FOXO1: variants seen among roughly 807,000 people sequenced by gnomAD.
FOXO1 encodes forkhead box O1.
A neutral mutation model predicts 44.1 loss-of-function variants in FOXO1; 6 were observed. The observed-to-expected ratio is 0.14, with a 90% CI of 0.07 to 0.27. The LOEUF (loss-of-function observed/expected upper bound fraction) is 0.27, where lower values mean the gene tolerates loss of function less well. FOXO1 is among the 10% of genes least tolerant of loss of function. The probability of loss-of-function intolerance (pLI) is 1.00; values close to 1 mark genes in which losing one functional copy is unlikely to be tolerated. For missense variants in FOXO1, 737 were observed against 888.8 expected (o/e 0.83, Z 2.17); for synonymous variants, 380 against 362.7 (o/e 1.05, Z -0.54).
intron 1 of FOXO1, among the ~76,000 whole-genome samples, chr13:40,636,765 G>T (rs1877171805): frequency 6.6e-6 from 1 of 151,048 alleles, no homozygotes; most frequent in African/African-American, 2.4e-5. Context: ...AAAGTGCTGG[G>T]ATTACAGGCG....
intron 1 of FOXO1, among the ~76,000 whole-genome samples, chr13:40,632,712 G>A (rs1039025064): frequency 1.3e-5 from 2 of 152,092 alleles, no homozygotes; most frequent in Non-Finnish European, 2.9e-5. Flanking sequence ...GGAGGCTGAG[G>A]CAGGCAGACT....
intron 1 of FOXO1, among the ~76,000 whole-genome samples, chr13:40,593,735 T>C (rs185606222): frequency 4.2e-4 from 64 of 152,356 alleles, no homozygotes; most frequent in Non-Finnish European, 7.2e-4. Flanking sequence ...TGGCTTGCAG[T>C]AAATCTACCC....
At position 40,560,444 on chromosome 13, in the gene FOXO1, C is replaced by A. The variant is rs61753353; in HGVS notation, c.1047G>T (p.Pro349=). Residue 349 remains proline, a synonymous_variant, in exon 2 of 3, where the codon CCG becomes CCT. Transcript: ENST00000379561. The surrounding 1 kb of genome is among the most constrained non-coding windows in gnomAD (Gnocchi z 5.1). Reference sequence around the variant, plus strand: ...TAGAGGCCATCTTTGCGGCAGATGGCGGGTACACCATAGAATGCACATCCC... The same window carrying A: ...TAGAGGCCATCTTTGCGGCAGATGGAGGGTACACCATAGAATGCACATCCC... The part of the protein sequence containing the change: ...GEGDVHSMVY[P]PSAAKMASTL... 3.1e-6 allele frequency: 5 copies of A among 1,614,068 alleles called. No individual in the cohort carries two copies. Among genetic ancestry groups the A allele is most frequent in the Non-Finnish European group, 4.2e-6 (5 of 1,179,994 alleles).
chr13:40,623,845 T>C (rs1159980120), intron 1 of FOXO1, among the ~76,000 whole-genome samples: 1 of 150,594 alleles, frequency 6.6e-6, no homozygotes, highest in Admixed American at 6.6e-5. Flanking sequence ...CTCACGCCTG[T>C]AATCCCAACA....
At chr13:40,642,213 T>C (rs1243674207) in intron 1 of FOXO1, among the ~76,000 whole-genome samples, 103 of 152,206 alleles carry the variant, frequency 6.8e-4, no homozygotes, top group Non-Finnish European at 1.2e-4. Context: ...CTAGTGTAAC[T>C]TCACTGCTTT....
chr13:40,566,805 T>C (rs1874286870), intron 1 of FOXO1, among the ~76,000 whole-genome samples: 1 of 152,242 alleles, frequency 6.6e-6, no homozygotes, highest in South Asian at 2.1e-4. Flanking sequence ...ATTTTTTTAA[T>C]AAAAACCATT....
chr13:40,656,289 A>G (rs1311808244), intron 1 of FOXO1, among the ~76,000 whole-genome samples: 1 of 152,256 alleles, frequency 6.6e-6, no homozygotes, highest in Non-Finnish European at 1.5e-5. Flanking sequence ...ACTGACATTT[A>G]CATTTTGAAG....
chr13:40,606,565 G>A (rs1053209214), intron 1 of FOXO1, among the ~76,000 whole-genome samples: 3 of 152,176 alleles, frequency 2.0e-5, no homozygotes, highest in African/African-American at 4.8e-5. Context: ...CGCCCGCCTC[G>A]GCCTCCCAAA....
At chr13:40,633,467 C>A (rs1215823900) in intron 1 of FOXO1, among the ~76,000 whole-genome samples, 1 of 152,152 alleles carries the variant, frequency 6.6e-6, no homozygotes, top group East Asian at 1.9e-4. Context: ...ATACATGCTA[C>A]CACGGGAATA....
At chr13:40,590,240 G>C (rs1875317590) in intron 1 of FOXO1, among the ~76,000 whole-genome samples, 1 of 152,144 alleles carries the variant, frequency 6.6e-6, no homozygotes, top group Non-Finnish European at 1.5e-5. Context: ...CCAAGAACAA[G>C]GAATTGGATT....
chr13:40,579,019 T>C (rs1374267052), intron 1 of FOXO1, among the ~76,000 whole-genome samples: 1 of 152,214 alleles, frequency 6.6e-6, no homozygotes, highest in Non-Finnish European at 1.5e-5. Flanking sequence ...GGCTCTATCT[T>C]TCTGACTGGA....
At chr13:40,619,817 A>T in intron 1 of FOXO1, 1 of 771,054 alleles carries the variant, frequency 1.3e-6, no homozygotes. Context: ...TTCAGTAGTC[A>T]CACAAACCAG....
intron 1 of FOXO1, among the ~76,000 whole-genome samples, chr13:40,639,534 A>C (rs545013404): frequency 6.6e-6 from 1 of 152,378 alleles, no homozygotes; most frequent in South Asian, 2.1e-4. Context: ...GAAAAAAATA[A>C]ACTAATTTTG....
chr13:40,558,440 A>C lies in FOXO1; in HGVS notation c.*609T>G, dbSNP rs1873843562. The C allele has an allele frequency of 6.2e-6, 1 of 161,798 alleles. No homozygotes were observed. The highest frequency in any genetic ancestry group is 2.0e-4 in the South Asian group (1 of 4,914). 10.0% of individuals were successfully genotyped at this position (161,798 alleles called of 1,614,324 possible). A position where few individuals can be genotyped will look rare whatever the true frequency, so the allele number is the denominator to read the frequency against. On this transcript the variant is annotated 3_prime_UTR_variant, in exon 3 of 3. Transcript: ENST00000379561. Reference sequence around the variant, plus strand: ...TTTCCAAAAGTTTAACAAGTCCATTAATTTAGCAGATTGATAACAGGCTAC... The same window carrying C: ...TTTCCAAAAGTTTAACAAGTCCATTCATTTAGCAGATTGATAACAGGCTAC...
chr13:40,654,564 C>A (rs1348419390), intron 1 of FOXO1, among the ~76,000 whole-genome samples: 2 of 150,570 alleles, frequency 1.3e-5, no homozygotes, highest in African/African-American at 4.9e-5. Flanking sequence ...AATACATCAA[C>A]GCAGAAAAAA....
chr13:40,606,599 C>T (rs992504008), intron 1 of FOXO1, among the ~76,000 whole-genome samples: 4 of 152,180 alleles, frequency 2.6e-5, no homozygotes, highest in African/African-American at 9.7e-5. Context: ...AGGTGTAAGC[C>T]ACCGCGCCCG....
intron 1 of FOXO1, among the ~76,000 whole-genome samples, chr13:40,625,549 T>TA (rs1876759330): frequency 6.6e-6 from 1 of 152,184 alleles, no homozygotes; most frequent in African/African-American, 2.4e-5. Context: ...AGGTTTTTTT[T>TA]ACAATAATCC....
intron 1 of FOXO1, among the ~76,000 whole-genome samples, chr13:40,661,117 T>C (rs192937243): frequency 6.6e-6 from 1 of 152,344 alleles, no homozygotes; most frequent in East Asian, 1.9e-4. Context: ...TTGGCATCTA[T>C]TTTGGAATTT....
chr13:40,560,152 A>C lies in FOXO1; in HGVS notation c.1339T>G (p.Ser447Ala), dbSNP rs1356169871. The C allele has an allele frequency of 1.2e-6, 2 of 1,613,978 alleles. No homozygotes were observed. Among genetic ancestry groups the C allele is most frequent in the Non-Finnish European group, 1.7e-6 (2 of 1,180,026 alleles). The stretch of plus-strand genomic sequence containing the variant: ...TACTGACTCATACCTCCATAACTCG[A>C]CTTATTGTCCTGAAGTGTTTGTATA... ...MPIQTLQDNKSSYGGMSQYNC... is the reference protein window; with the variant it reads ...MPIQTLQDNKASYGGMSQYNC... Residue 447 changes from serine to alanine, a missense_variant, in exon 2 of 3, where the codon TCG becomes GCG. Physicochemically the swap from Ser to Ala is moderately conservative, Grantham distance 99. This residue lies in a region of FOXO1 where 283 missense variants were observed against 278.1 expected (regional missense o/e 1.02). Transcript: ENST00000379561. This position sits in a 1 kb window ranked among gnomAD's most constrained non-coding sequence, Gnocchi z 5.1.
Sources: allele counts gnomAD v4.1 joint callset (sites outside exome capture counted in the v4.1 genomes callset), GRCh38; gene constraint gnomAD v4.1.1; regional missense constraint gnomAD v4.1.1; non-coding constraint Gnocchi (gnomAD v3.1); transcripts MANE v1.5; gene names NCBI Gene and HGNC (gene_info 2026-07-23, HGNC 2026-07-21).